Variants in PDSS2 observed in about 807,000 individuals in gnomAD.
PDSS2 encodes all trans-polyprenyl-diphosphate synthase PDSS2.
In PDSS2, 31 loss-of-function variants were observed where a neutral mutation model predicts 44.5. That is an observed-to-expected ratio of 0.70 (90% confidence interval 0.52 to 0.94). The LOEUF (loss-of-function observed/expected upper bound fraction) is 0.94. Among genes scored for constraint, PDSS2 ranks in the 40% least tolerant of loss-of-function variants. PDSS2 has a pLI of 0.00. For missense variants in PDSS2, 452 were observed against 482.2 expected (o/e 0.94, Z 0.59); for synonymous variants, 157 against 180.3 (o/e 0.87, Z 1.03).
intron 1 of PDSS2, among the ~76,000 whole-genome samples, chr6:107,441,505 C>T (rs1781509555): frequency 6.6e-6 from 1 of 152,118 alleles, no homozygotes; most frequent in Non-Finnish European, 1.5e-5. Context: ...GATAAATTTA[C>T]CATTTAGCCC....
rs34141361 is a variant in PDSS2, at chr6:107,349,751, AAAAC to A, written c.297-15423_297-15420del. Among the ~76,000 whole-genome samples, 499 of 151,614 alleles carry A rather than the reference AAAAC, an allele frequency of 3.3e-3. 3 individuals are homozygous for A. Among genetic ancestry groups the A allele is most frequent in the African/African-American group, 0.011 (439 of 41,368 alleles). ...GTGACAAGAGTGAAACTCAGCCTCA[AAAAC>A]AAACAAACAAACAAACAAACAAAAG... On this transcript the variant is annotated intron_variant, in intron 1 of 7. Coordinates refer to ENST00000369037, the MANE Select transcript of PDSS2 (RefSeq NM_020381.4).
intron 1 of PDSS2, among the ~76,000 whole-genome samples, chr6:107,364,055 GCGT>G (rs1460025071): frequency 6.6e-6 from 1 of 152,224 alleles, no homozygotes; most frequent in Non-Finnish European, 1.5e-5. Flanking sequence ...TAGATACAGA[GCGT>G]CGACTGGTGC....
intron 1 of PDSS2, among the ~76,000 whole-genome samples, chr6:107,414,850 A>G (rs539475970): frequency 1.3e-5 from 2 of 152,360 alleles, no homozygotes; most frequent in East Asian, 1.9e-4. Context: ...GTGACAATAC[A>G]TTGATCTGAG....
intron 1 of PDSS2, among the ~76,000 whole-genome samples, chr6:107,381,524 G>A (rs1198455733): frequency 6.6e-6 from 1 of 152,082 alleles, no homozygotes; most frequent in Non-Finnish European, 1.5e-5. Flanking sequence ...AATTCATTAG[G>A]TGTTGTTTAA....
chr6:107,288,195 A>G (rs1446603452), intron 2 of PDSS2, among the ~76,000 whole-genome samples: 4 of 152,208 alleles, frequency 2.6e-5, no homozygotes, highest in Non-Finnish European at 5.9e-5. Context: ...TTTGGTAACA[A>G]CAAATAATTA....
At chr6:107,255,629 T>C (rs1259772295) in intron 3 of PDSS2, among the ~76,000 whole-genome samples, 2 of 151,814 alleles carry the variant, frequency 1.3e-5, no homozygotes, top group East Asian at 3.9e-4. Context: ...CAAAAAGTAT[T>C]GATAGTGATT....
At chr6:107,193,730 G>T in intron 7 of PDSS2, 92 bp downstream of exon 7, 1 of 821,074 alleles carries the variant, frequency 1.2e-6, no homozygotes, top group Non-Finnish European at 2.2e-6. Context: ...CTCTCAATGT[G>T]ATCATTCTCT....
intron 1 of PDSS2, among the ~76,000 whole-genome samples, chr6:107,403,301 A>G (rs1302823370): frequency 6.6e-6 from 1 of 152,098 alleles, no homozygotes; most frequent in East Asian, 1.9e-4. Context: ...CTGATATAAG[A>G]GGTAGGCTCC....
At chr6:107,178,720 G>A (rs913720624) in intron 7 of PDSS2, among the ~76,000 whole-genome samples, 1 of 152,154 alleles carries the variant, frequency 6.6e-6, no homozygotes, top group Non-Finnish European at 1.5e-5. Flanking sequence ...GCAGGATGGT[G>A]GTAAAGAATA....
chr6:107,277,814 G>A (rs901164487), intron 2 of PDSS2, among the ~76,000 whole-genome samples: 3 of 151,910 alleles, frequency 2.0e-5, no homozygotes, highest in South Asian at 2.1e-4. Context: ...TTAGCCAGGC[G>A]TGTTGGCGGG....
intron 2 of PDSS2, among the ~76,000 whole-genome samples, chr6:107,322,747 C>T (rs1317874436): frequency 2.0e-5 from 3 of 151,738 alleles, no homozygotes; most frequent in East Asian, 1.9e-4. Flanking sequence ...CATTTGAGCC[C>T]GGGACATTGA....
intron 1 of PDSS2, among the ~76,000 whole-genome samples, chr6:107,336,064 G>A (rs886387878): frequency 2.0e-5 from 3 of 151,570 alleles, no homozygotes; most frequent in African/African-American, 7.3e-5. Flanking sequence ...AGACCAGCCC[G>A]GCCAACATGG....
chr6:107,399,838 T>C (rs1225926556), intron 1 of PDSS2, among the ~76,000 whole-genome samples: 1 of 152,170 alleles, frequency 6.6e-6, no homozygotes, highest in Non-Finnish European at 1.5e-5. Flanking sequence ...GCAATCTTTT[T>C]TTTTCCCTCA....
intron 7 of PDSS2, among the ~76,000 whole-genome samples, chr6:107,185,114 C>A (rs1289517042): frequency 2.1e-5 from 2 of 96,300 alleles, no homozygotes; most frequent in African/African-American, 4.1e-5. Flanking sequence ...CATAGTGAGA[C>A]CTTATATCTA....
intron 1 of PDSS2, among the ~76,000 whole-genome samples, chr6:107,390,649 G>A (rs895263656): frequency 3.3e-5 from 5 of 152,112 alleles, no homozygotes; most frequent in African/African-American, 1.2e-4. Context: ...TTTGACAAAT[G>A]TAACATGATT....
chr6:107,184,246 T>C (rs748414076), intron 7 of PDSS2, among the ~76,000 whole-genome samples: 8 of 152,076 alleles, frequency 5.3e-5, no homozygotes, highest in Non-Finnish European at 1.2e-4. Context: ...GCTAGGGTCA[T>C]GGGAAGGAAC....
At chr6:107,163,388 T>C (rs1182123832) in intron 7 of PDSS2, among the ~76,000 whole-genome samples, 1 of 152,196 alleles carries the variant, frequency 6.6e-6, no homozygotes, top group Non-Finnish European at 1.5e-5. Flanking sequence ...ATAGCTTTCA[T>C]GTGTAAAATG....
At chr6:107,241,493 C>T (rs1012304255) in intron 4 of PDSS2, among the ~76,000 whole-genome samples, 1 of 151,212 alleles carries the variant, frequency 6.6e-6, no homozygotes, top group Non-Finnish European at 1.5e-5. Context: ...ACTACAGGCG[C>T]CCACCACCAC....
intron 7 of PDSS2, chr6:107,192,284 T>G (rs1030084577): frequency 2.3e-5 from 10 of 429,044 alleles, no homozygotes; most frequent in African/African-American, 2.1e-4. Context: ...AGGAGGCAGA[T>G]AAAAGGAGAG....
Sources: gnomAD v4.1 joint callset for allele counts (sites outside exome capture counted in the v4.1 genomes callset) on GRCh38, gnomAD v4.1.1 for gene constraint, MANE v1.5 for transcripts, NCBI Gene and HGNC (gene_info 2026-07-23, HGNC 2026-07-21) for gene names.